RAB31: variants seen among roughly 807,000 people sequenced by gnomAD.
The protein encoded by RAB31 is ras-related protein Rab-31.
RAB31 carries 21 observed loss-of-function variants against 25.6 expected under a neutral mutation model. That is an observed-to-expected ratio of 0.82 (90% CI 0.58 to 1.18). The LOEUF (loss-of-function observed/expected upper bound fraction) is 1.18, where lower values mean the gene tolerates loss of function less well. Ranked by LOEUF, RAB31 falls within the 50% of genes most tolerant of loss-of-function variation. RAB31 has a pLI of 0.00. For missense variants in RAB31, 196 were observed against 250.1 expected, an observed-to-expected ratio of 0.78 and a Z score of 1.46; for synonymous variants, 87 against 84.0, an observed-to-expected ratio of 1.04 and a Z score of -0.20.
At chr18:9,783,482 G>C (rs1409200360) in intron 2 of RAB31, among the ~76,000 whole-genome samples, 1 of 152,150 alleles carries the variant, frequency 6.6e-6, no homozygotes, top group Non-Finnish European at 1.5e-5. Context: ...CTTTTTAAGG[G>C]TAGTAGGGTT....
At chr18:9,796,231 A>G (rs1020989233) in intron 3 of RAB31, among the ~76,000 whole-genome samples, 1 of 152,144 alleles carries the variant, frequency 6.6e-6, no homozygotes, top group Admixed American at 6.6e-5. Context: ...CTTGCAGGAA[A>G]GGGTGGGAGT....
chr18:9,790,312 G>C (rs2068453626), intron 2 of RAB31, among the ~76,000 whole-genome samples: 1 of 152,076 alleles, frequency 6.6e-6, no homozygotes, highest in South Asian at 2.1e-4. Context: ...ACCAGCCTCA[G>C]ACTCCTGGGT....
chr18:9,845,572 T>C lies in RAB31; in HGVS notation c.381-10T>C. The C allele has an allele frequency of 6.5e-7, 1 of 1,528,758 alleles. No individual in the cohort carries two copies. The highest frequency in any genetic ancestry group is 8.8e-7 in the Non-Finnish European group (1 of 1,140,816). The allele number at this position is 1,528,758 out of a possible 1,614,324, so 94.7% of individuals were successfully genotyped here. On this transcript the variant is annotated splice_polypyrimidine_tract_variant and intron_variant, in intron 5 of 6. Transcript: ENST00000578921. Reference sequence around the variant, plus strand: ...ATTCATTTCCTGTCTACATTTGACCTCTTTTCCAGGGAGGTTCCCCTGAAG... The same window carrying C: ...ATTCATTTCCTGTCTACATTTGACCCCTTTTCCAGGGAGGTTCCCCTGAAG...
intron 1 of RAB31, among the ~76,000 whole-genome samples, chr18:9,757,305 C>G (rs2068264946): frequency 6.6e-6 from 1 of 152,184 alleles, no homozygotes; most frequent in Non-Finnish European, 1.5e-5. Flanking sequence ...GGAAGCCGGC[C>G]TGCAGTGGGG....
intron 3 of RAB31, among the ~76,000 whole-genome samples, chr18:9,809,117 T>A (rs1412370588): frequency 6.6e-6 from 1 of 152,214 alleles, no homozygotes; most frequent in East Asian, 1.9e-4. Context: ...ACAAGTGTAG[T>A]GCACACTACA....
chr18:9,839,975 G>A (rs2068724728), intron 5 of RAB31, among the ~76,000 whole-genome samples: 1 of 152,196 alleles, frequency 6.6e-6, no homozygotes, highest in South Asian at 2.1e-4. Context: ...AGGGACTCCA[G>A]CTGGGTTCTG....
At chr18:9,711,326 G>A (rs1202255404) in intron 1 of RAB31, among the ~76,000 whole-genome samples, 3 of 151,748 alleles carry the variant, frequency 2.0e-5, no homozygotes, top group Non-Finnish European at 4.4e-5. Context: ...CTCTTGATTC[G>A]AGAGACCCTG....
At chr18:9,824,663 C>A (rs1322287992) in intron 5 of RAB31, among the ~76,000 whole-genome samples, 1 of 152,216 alleles carries the variant, frequency 6.6e-6, no homozygotes, top group Non-Finnish European at 1.5e-5. Context: ...TGTGTTTCAT[C>A]TTCTTGCATG....
chr18:9,715,876 A>G (rs2068042013), intron 1 of RAB31, among the ~76,000 whole-genome samples: 1 of 151,960 alleles, frequency 6.6e-6, no homozygotes, highest in Non-Finnish European at 1.5e-5. Context: ...TTTTTGAACC[A>G]TTTAAAAGTA....
intron 5 of RAB31, among the ~76,000 whole-genome samples, chr18:9,840,174 G>A (rs2068725953): frequency 6.6e-6 from 1 of 152,186 alleles, no homozygotes; most frequent in African/African-American, 2.4e-5. Flanking sequence ...GCTGGCCTGG[G>A]GGGATCTGCA....
chr18:9,814,144 TAGAG>T (rs1172725726), intron 4 of RAB31, 53 bp downstream of exon 4: 6 of 1,325,892 alleles, frequency 4.5e-6, no homozygotes, highest in Non-Finnish European at 6.4e-6. Flanking sequence ...TTCTCTCACT[TAGAG>T]AGACTGGAGC....
intron 1 of RAB31, chr18:9,723,467 C>T (rs530000768): frequency 2.6e-5 from 4 of 152,144 alleles, no homozygotes; most frequent in African/African-American, 9.6e-5. Context: ...TTAAAAATAC[C>T]TCTATTTAAA....
intron 5 of RAB31, among the ~76,000 whole-genome samples, chr18:9,825,378 T>A (rs987629517): frequency 3.3e-5 from 5 of 152,200 alleles, no homozygotes; most frequent in African/African-American, 9.6e-5. Context: ...GGACGCTGCA[T>A]GTCCTTTTCC....
intron 5 of RAB31, among the ~76,000 whole-genome samples, chr18:9,819,774 A>G (rs2068616221): frequency 6.6e-6 from 1 of 151,944 alleles, no homozygotes; most frequent in Non-Finnish European, 1.5e-5. Flanking sequence ...TCAGTTTACA[A>G]GTCTTGCTTT....
At chr18:9,785,083 G>A (rs1422044739) in intron 2 of RAB31, 6 of 152,592 alleles carry the variant, frequency 3.9e-5, no homozygotes, top group African/African-American at 1.2e-4. Flanking sequence ...AGGAGGAAGA[G>A]GAAAGAAAAA....
intron 3 of RAB31, among the ~76,000 whole-genome samples, chr18:9,803,215 C>T (rs2068522756): frequency 2.0e-5 from 3 of 151,164 alleles, no homozygotes; most frequent in Admixed American, 2.0e-4. Context: ...GAGCACTGTG[C>T]TTTCTTTTCT....
rs914701130 is a variant in RAB31, at chr18:9,724,240, C to T, written c.39+15796C>T. Among the ~76,000 whole-genome samples the T allele has an allele frequency of 2.2e-4, 29 of 133,546 alleles. 1 individual carries two copies. The highest frequency in any genetic ancestry group is 4.0e-4 in the Non-Finnish European group (26 of 64,532). The allele number at this position is 133,546 out of a possible 152,430, so 87.6% of individuals were successfully genotyped here. On this transcript the variant is annotated intron_variant, in intron 1 of 6. Coordinates refer to ENST00000578921, the MANE Select transcript of RAB31 (RefSeq NM_006868.4). ...AAGCCGAGATCCCGCCACTGCACTC[C>T]AGCCTGGGCGACAGAGCGAGACTCC... is the stretch of plus-strand genomic sequence containing the variant.
chr18:9,859,347 T>C lies in RAB31; in HGVS notation c.*22T>C, dbSNP rs143384278. On this transcript the variant is annotated 3_prime_UTR_variant, in exon 7 of 7. Coordinates refer to ENST00000578921, the MANE Select transcript of RAB31 (RefSeq NM_006868.4). Reference sequence around the variant, plus strand: ...TTGACCCAAGGGCCGTGGTCCACGGTACTTGAAGAAGCCAGAGCCCACATC... The same window carrying C: ...TTGACCCAAGGGCCGTGGTCCACGGCACTTGAAGAAGCCAGAGCCCACATC... 374 of 1,585,588 alleles carry C rather than the reference T, an allele frequency of 2.4e-4. No individual in the cohort carries two copies. In the African/African-American group the frequency reaches 4.4e-3, roughly 19 times the overall value.
rs563418907 is a variant in RAB31 at position 9,755,669 on chromosome 18, CAGT to C, written c.40-19607_40-19605del. Among the ~76,000 whole-genome samples the C allele has an allele frequency of 5.3e-3, 802 of 152,318 alleles. 14 individuals are homozygous for C. Among genetic ancestry groups the C allele is most frequent in the Admixed American group, 0.031 (472 of 15,306 alleles). ...CTGAATTTCCATGGCCTCATGGCAG[CAGT>C]ACATGGATTTAGGTTGTTACCAGGA... On this transcript the variant is annotated intron_variant, in intron 1 of 6. Coordinates refer to ENST00000578921, the MANE Select transcript of RAB31 (RefSeq NM_006868.4).
Sources: gnomAD v4.1 joint callset for allele counts (sites outside exome capture counted in the v4.1 genomes callset) on GRCh38, gnomAD v4.1.1 for gene constraint, MANE v1.5 for transcripts, NCBI Gene and HGNC (gene_info 2026-07-23, HGNC 2026-07-21) for gene names.